GPC5: variants seen among roughly 807,000 people sequenced by gnomAD.
GPC5 encodes glypican-5.
A neutral mutation model predicts 53.9 loss-of-function variants in GPC5; 47 were observed. The ratio of observed to expected loss-of-function variants is 0.87; its 90% CI spans 0.69 to 1.11. GPC5 has a LOEUF of 1.11. Ranked by LOEUF, GPC5 falls within the 50% of genes most tolerant of loss-of-function variation. The pLI, the probability that GPC5 is intolerant of heterozygous loss-of-function variation, is 0.00. For missense variants in GPC5, 748 were observed against 713.1 expected, an observed-to-expected ratio of 1.05 and a Z score of -0.56; for synonymous variants, 286 against 263.3, an observed-to-expected ratio of 1.09 and a Z score of -0.84.
intron 2 of GPC5, among the ~76,000 whole-genome samples, chr13:91,495,097 C>T (rs1884174478): frequency 6.6e-6 from 1 of 152,144 alleles, no homozygotes; most frequent in Non-Finnish European, 1.5e-5. Flanking sequence ...AAATCTTGCC[C>T]ATCTTAATTA....
intron 7 of GPC5, among the ~76,000 whole-genome samples, chr13:92,173,664 G>C (rs2042086874): frequency 6.6e-6 from 1 of 152,148 alleles, no homozygotes. Flanking sequence ...CAAAAACCTA[G>C]TGTCACTTGT....
intron 5 of GPC5, among the ~76,000 whole-genome samples, chr13:91,820,724 G>A (rs2138831326): frequency 6.6e-6 from 1 of 152,320 alleles, no homozygotes; most frequent in East Asian, 1.9e-4. Flanking sequence ...AGCACTTTGG[G>A]AGGCCGAGGC....
chr13:92,098,135 T>A (rs1566434008), intron 6 of GPC5, among the ~76,000 whole-genome samples: 2 of 152,154 alleles, frequency 1.3e-5, no homozygotes, highest in Non-Finnish European at 2.9e-5. Flanking sequence ...ATGCAATAGT[T>A]ATTTTTTCTG....
intron 5 of GPC5, among the ~76,000 whole-genome samples, chr13:91,882,129 G>A (rs1294953952): frequency 1.3e-5 from 2 of 151,830 alleles, no homozygotes; most frequent in Admixed American, 6.6e-5. Flanking sequence ...ACTCTGAGGA[G>A]GGTGATATGG....
chr13:91,966,124 G>C (rs184961685), intron 6 of GPC5, among the ~76,000 whole-genome samples: 101 of 152,182 alleles, frequency 6.6e-4, no homozygotes, highest in Admixed American at 4.6e-3. Flanking sequence ...GAAAGCCAGT[G>C]GTGTTTTTTA....
At chr13:91,511,580 G>A (rs904659032) in intron 2 of GPC5, among the ~76,000 whole-genome samples, 1 of 151,960 alleles carries the variant, frequency 6.6e-6, no homozygotes, top group Non-Finnish European at 1.5e-5. Flanking sequence ...GTTTCAGCGC[G>A]GCTGATTTCA....
intron 2 of GPC5, among the ~76,000 whole-genome samples, chr13:91,478,792 A>C (rs1566435058): frequency 7.8e-5 from 1 of 12,824 alleles, no homozygotes; most frequent in Non-Finnish European, 1.5e-4. Context: ...CCTCCATTTG[A>C]GTTTATATAT....
At chr13:91,837,891 A>G (rs1017793939) in intron 5 of GPC5, among the ~76,000 whole-genome samples, 1 of 152,112 alleles carries the variant, frequency 6.6e-6, no homozygotes, top group African/African-American at 2.4e-5. Flanking sequence ...AAAAAATGAC[A>G]TGGGTGGGGG....
intron 6 of GPC5, among the ~76,000 whole-genome samples, chr13:91,978,555 A>C (rs988982197): frequency 1.3e-5 from 2 of 152,152 alleles, no homozygotes; most frequent in Admixed American, 6.5e-5. Context: ...TAAGTTTTGG[A>C]GGGAAGGCCT....
intron 1 of GPC5, among the ~76,000 whole-genome samples, chr13:91,446,662 T>G (rs1303833550): frequency 6.6e-6 from 1 of 152,156 alleles, no homozygotes; most frequent in Non-Finnish European, 1.5e-5. Context: ...TTATGCCCTT[T>G]GTGCTGATAC....
chr13:91,801,906 T>G (rs778526025), intron 5 of GPC5, among the ~76,000 whole-genome samples: 5 of 152,138 alleles, frequency 3.3e-5, no homozygotes, highest in Non-Finnish European at 7.4e-5. Context: ...GCTAGGCACT[T>G]CATCATACCA....
At chr13:91,673,964 A>C (rs1040151085) in intron 2 of GPC5, among the ~76,000 whole-genome samples, 4 of 152,204 alleles carry the variant, frequency 2.6e-5, no homozygotes, top group Admixed American at 1.3e-4. Context: ...AACAAAATAA[A>C]ATCCATTCGT....
At chr13:91,433,307 G>A (rs1475923121) in intron 1 of GPC5, among the ~76,000 whole-genome samples, 4 of 151,198 alleles carry the variant, frequency 2.6e-5, no homozygotes, top group South Asian at 2.1e-4. Context: ...CCAGTAACTC[G>A]TCATTTAACA....
chr13:92,387,534 A>G (rs1253737816), intron 7 of GPC5, among the ~76,000 whole-genome samples: 1 of 152,012 alleles, frequency 6.6e-6, no homozygotes, highest in Non-Finnish European at 1.5e-5. Flanking sequence ...TTGCTTTCCG[A>G]CTTCTTGAGA....
chr13:91,974,066 T>G (rs112756679), intron 6 of GPC5, among the ~76,000 whole-genome samples: 3,600 of 152,268 alleles, frequency 0.024, 142 homozygotes, highest in African/African-American at 0.082. Context: ...TCGTTTGTCT[T>G]TGCCCTCCCC....
intron 4 of GPC5, among the ~76,000 whole-genome samples, chr13:91,730,419 A>G (rs984267168): frequency 6.6e-6 from 1 of 152,110 alleles, no homozygotes; most frequent in Admixed American, 6.5e-5. Context: ...CTGATTTCCA[A>G]TAGATCACTT....
chr13:91,780,028 TG>T (rs2138718329), intron 5 of GPC5, among the ~76,000 whole-genome samples: 1 of 152,346 alleles, frequency 6.6e-6, no homozygotes, highest in Non-Finnish European at 1.5e-5. Context: ...TATTTCTATC[TG>T]TCTGGCAGCA....
intron 7 of GPC5, among the ~76,000 whole-genome samples, chr13:92,453,489 T>C (rs1878146024): frequency 6.6e-6 from 1 of 152,060 alleles, no homozygotes; most frequent in African/African-American, 2.4e-5. Context: ...CCGCGCCGAC[T>C]CCAAGATTAG....
At chr13:92,066,987 C>A (rs1594750630) in intron 6 of GPC5, among the ~76,000 whole-genome samples, 1 of 151,954 alleles carries the variant, frequency 6.6e-6, no homozygotes, top group South Asian at 2.1e-4. Context: ...TTTCCCCTAG[C>A]AATATTAAGG....
Sources: gnomAD v4.1 joint callset for allele counts (sites outside exome capture counted in the v4.1 genomes callset) on GRCh38, gnomAD v4.1.1 for gene constraint, MANE v1.5 for transcripts, NCBI Gene and HGNC (gene_info 2026-07-23, HGNC 2026-07-21) for gene names.